The following GPC5 variants were observed in gnomAD, a reference collection of about 807,000 sequenced individuals.
The protein encoded by GPC5 is glypican 5, also known as glypican-5.
A neutral mutation model predicts 53.9 loss-of-function variants in GPC5; 47 were observed. The observed-to-expected ratio is 0.87, with a 90% CI of 0.69 to 1.11. The LOEUF is 1.11. Among genes scored for constraint, GPC5 ranks in the 50% most tolerant of loss-of-function variants. The pLI is 0.00. For missense variants in GPC5, 748 were observed against 713.1 expected, an observed-to-expected ratio of 1.05 and a Z score of -0.56; for synonymous variants, 286 against 263.3, an observed-to-expected ratio of 1.09 and a Z score of -0.84.
intron 1 of GPC5, among the ~76,000 whole-genome samples, chr13:91,439,245 G>A (rs964070698): frequency 4.6e-5 from 7 of 152,234 alleles, no homozygotes; most frequent in African/African-American, 1.7e-4. Flanking sequence ...GTTATAGCTG[G>A]TGTGTGTGCA....
chr13:91,444,281 T>A (rs1170370009), intron 1 of GPC5, among the ~76,000 whole-genome samples: 1 of 152,194 alleles, frequency 6.6e-6, no homozygotes, highest in African/African-American at 2.4e-5. Flanking sequence ...CATATGTTGT[T>A]CTTTCATGTT....
At chr13:92,139,109 T>A (rs2041808536) in intron 6 of GPC5, among the ~76,000 whole-genome samples, 1 of 152,212 alleles carries the variant, frequency 6.6e-6, no homozygotes, top group South Asian at 2.1e-4. Flanking sequence ...AACATTAAAT[T>A]GTTTTAAAAA....
At chr13:92,166,950 TCTCTCTCACACACACACACA>T (rs1289591912) in intron 7 of GPC5, among the ~76,000 whole-genome samples, 22 of 57,608 alleles carry the variant, frequency 3.8e-4, no homozygotes, top group African/African-American at 1.3e-3. Context: ...TCTCTCTCTC[TCTCTCTCACACACACACACA>T]CACACACACA....
chr13:91,665,132 G>A (rs2035076848), intron 2 of GPC5, among the ~76,000 whole-genome samples: 2 of 152,142 alleles, frequency 1.3e-5, no homozygotes, highest in South Asian at 4.1e-4. Flanking sequence ...AGAAGCATCT[G>A]GCAGAATCAT....
At position 92,732,541 on chromosome 13, in the gene GPC5, TC is replaced by T. The variant is rs1271022407; in HGVS notation, c.1562-133739del. Among the ~76,000 whole-genome samples, 3 of 140,214 alleles carry T rather than the reference TC, an allele frequency of 2.1e-5. No individual in the cohort carries two copies. In the East Asian group the frequency reaches 7.9e-4, roughly 37 times the overall value. 92.0% of individuals were successfully genotyped at this position (140,214 alleles called of 152,430 possible). On this transcript the variant is annotated intron_variant, in intron 7 of 7. Coordinates refer to ENST00000377067, the MANE Select transcript of GPC5 (RefSeq NM_004466.6). ...GTGATTTTCTTCTTAGTTCCGTTTATCCTTTTTGTAAATTTGGAAGTTCTGT... is the reference window on the plus strand; with the variant it reads ...GTGATTTTCTTCTTAGTTCCGTTTATCTTTTTGTAAATTTGGAAGTTCTGT...
chr13:92,053,815 A>G (rs540404722), intron 6 of GPC5, among the ~76,000 whole-genome samples: 1 of 151,896 alleles, frequency 6.6e-6, no homozygotes, highest in Non-Finnish European at 1.5e-5. Flanking sequence ...GGATCACCTG[A>G]GGTCAGGAGA....
chr13:91,520,223 A>G (rs115084642), intron 2 of GPC5, among the ~76,000 whole-genome samples: 1 of 152,340 alleles, frequency 6.6e-6, no homozygotes, highest in African/African-American at 2.4e-5. Flanking sequence ...TGAAAAATAA[A>G]AAGGGTTATA....
At chr13:91,888,529 ATAGC>A (rs2039350754) in intron 5 of GPC5, among the ~76,000 whole-genome samples, 1 of 152,192 alleles carries the variant, frequency 6.6e-6, no homozygotes, top group Admixed American at 6.5e-5. Flanking sequence ...ATTTATTGGA[ATAGC>A]TCTGCTAAGG....
At chr13:91,751,109 T>C (rs1442786990) in intron 4 of GPC5, among the ~76,000 whole-genome samples, 1 of 152,214 alleles carries the variant, frequency 6.6e-6, no homozygotes. Context: ...ACACTTCTCA[T>C]GATTCCTGCC....
chr13:92,262,611 G>A (rs1450207060), intron 7 of GPC5, among the ~76,000 whole-genome samples: 1 of 152,092 alleles, frequency 6.6e-6, no homozygotes, highest in Non-Finnish European at 1.5e-5. Context: ...GCAATTGGTA[G>A]CTACCAATAA....
chr13:92,168,579 A>G (rs1180523216), intron 7 of GPC5, among the ~76,000 whole-genome samples: 1 of 152,234 alleles, frequency 6.6e-6, no homozygotes, highest in Non-Finnish European at 1.5e-5. Context: ...ACATATGAAA[A>G]AAAGCTCGAC....
At chr13:92,771,222 C>T (rs1290596579) in intron 7 of GPC5, among the ~76,000 whole-genome samples, 2 of 152,128 alleles carry the variant, frequency 1.3e-5, no homozygotes, top group Non-Finnish European at 2.9e-5. Flanking sequence ...AGCTTCCTTG[C>T]AGCCTGTTGG....
intron 7 of GPC5, among the ~76,000 whole-genome samples, chr13:92,233,090 T>C (rs1247846938): frequency 2.0e-5 from 3 of 152,248 alleles, no homozygotes; most frequent in Non-Finnish European, 4.4e-5. Context: ...GGCTACAAAA[T>C]GCTTTTACAC....
intron 2 of GPC5, among the ~76,000 whole-genome samples, chr13:91,598,813 T>C (rs1198241587): frequency 1.3e-5 from 2 of 152,062 alleles, no homozygotes; most frequent in African/African-American, 4.8e-5. Flanking sequence ...AAAAATAAGT[T>C]GTATACTAGG....
At chr13:92,187,038 G>A (rs1182858840) in intron 7 of GPC5, among the ~76,000 whole-genome samples, 1 of 151,938 alleles carries the variant, frequency 6.6e-6, no homozygotes, top group East Asian at 1.9e-4. Flanking sequence ...CTTGAACCCT[G>A]GAGGTGGAGG....
chr13:92,613,432 A>T (rs1264744048), intron 7 of GPC5, among the ~76,000 whole-genome samples: 270 of 11,856 alleles, frequency 0.023, 3 homozygotes, highest in African/African-American at 0.059. Context: ...ATATATATTT[A>T]TATATAAATA....
At chr13:92,784,892 AT>A (rs1353444210) in intron 7 of GPC5, among the ~76,000 whole-genome samples, 1 of 152,230 alleles carries the variant, frequency 6.6e-6, no homozygotes, top group Non-Finnish European at 1.5e-5. Flanking sequence ...AACACAAATT[AT>A]TATAGACTGT....
chr13:92,290,308 G>A (rs2042984538), intron 7 of GPC5, among the ~76,000 whole-genome samples: 1 of 152,072 alleles, frequency 6.6e-6, no homozygotes, highest in African/African-American at 2.4e-5. Context: ...AATTGTATGA[G>A]GAAGTGGATT....
At chr13:92,259,827 C>T (rs990079793) in intron 7 of GPC5, among the ~76,000 whole-genome samples, 2 of 152,152 alleles carry the variant, frequency 1.3e-5, no homozygotes, top group African/African-American at 2.4e-5. Context: ...TGTAACCCTG[C>T]AGATCAGAAA....
Sources: allele counts gnomAD v4.1 joint callset (sites outside exome capture counted in the v4.1 genomes callset), GRCh38; gene constraint gnomAD v4.1.1; transcripts MANE v1.5; gene names NCBI Gene and HGNC (gene_info 2026-07-23, HGNC 2026-07-21).